Variants in MAGI2 observed in about 807,000 individuals in gnomAD.
The protein encoded by MAGI2 is membrane-associated guanylate kinase, WW and PDZ domain-containing protein 2.
In MAGI2, 35 loss-of-function variants were observed where a neutral mutation model predicts 133.3. That is an observed-to-expected ratio of 0.26 (90% CI 0.20 to 0.35). The LOEUF (loss-of-function observed/expected upper bound fraction) is 0.35, where lower values mean the gene tolerates loss of function less well. Among genes scored for constraint, MAGI2 ranks in the 10% least tolerant of loss-of-function variants. The probability of loss-of-function intolerance (pLI) is 1.00; values close to 1 mark genes in which losing one functional copy is unlikely to be tolerated. For synonymous variants in MAGI2, 729 were observed against 710.6 expected, an observed-to-expected ratio of 1.03 and a Z score of -0.41; for missense variants, 1,636 against 1,863.4, an observed-to-expected ratio of 0.88 and a Z score of 2.25.
chr7:79,041,743 A>C (rs1811688056), intron 1 of MAGI2, among the ~76,000 whole-genome samples: 1 of 152,184 alleles, frequency 6.6e-6, no homozygotes, highest in East Asian at 1.9e-4. Context: ...TTCTAAGATG[A>C]CTTAATAGGG....
At chr7:78,535,749 T>C (rs1369733719) in intron 3 of MAGI2, among the ~76,000 whole-genome samples, 3 of 152,150 alleles carry the variant, frequency 2.0e-5, no homozygotes, top group Non-Finnish European at 4.4e-5. Flanking sequence ...TTAACAATTA[T>C]GGTTAAAGAG....
At chr7:78,810,082 T>A (rs1306818911) in intron 2 of MAGI2, among the ~76,000 whole-genome samples, 1 of 152,166 alleles carries the variant, frequency 6.6e-6, no homozygotes, top group Non-Finnish European at 1.5e-5. Flanking sequence ...GTAAGAAACA[T>A]CTTTAGGTCA....
At chr7:78,471,003 C>T (rs1388887218) in intron 6 of MAGI2, among the ~76,000 whole-genome samples, 1 of 152,140 alleles carries the variant, frequency 6.6e-6, no homozygotes, top group African/African-American at 2.4e-5. Flanking sequence ...CACAAGTCCA[C>T]ACATATCTTG....
chr7:79,041,963 G>A (rs1386354854), intron 1 of MAGI2, among the ~76,000 whole-genome samples: 1 of 151,840 alleles, frequency 6.6e-6, no homozygotes, highest in Non-Finnish European at 1.5e-5. Flanking sequence ...TCTTTGACAA[G>A]AAACAACTAA....
At chr7:78,453,473 C>T (rs1788947616) in intron 6 of MAGI2, among the ~76,000 whole-genome samples, 1 of 152,204 alleles carries the variant, frequency 6.6e-6, no homozygotes, top group African/African-American at 2.4e-5. Flanking sequence ...CAATAATGTC[C>T]TTGGGTAGTT....
chr7:78,336,549 C>A (rs143458758), intron 9 of MAGI2, among the ~76,000 whole-genome samples: 2,110 of 152,192 alleles, frequency 0.014, 31 homozygotes, highest in Non-Finnish European at 0.021. Flanking sequence ...AAAGTGATAC[C>A]TTGTCTCTAT....
At chr7:79,369,059 T>A (rs1842904830) in intron 1 of MAGI2, among the ~76,000 whole-genome samples, 1 of 151,946 alleles carries the variant, frequency 6.6e-6, no homozygotes, top group Non-Finnish European at 1.5e-5. Flanking sequence ...AATGCCAAAC[T>A]TTAGCCAGGT....
chr7:78,295,672 AC>A (rs1322343393), intron 9 of MAGI2, among the ~76,000 whole-genome samples: 4 of 152,044 alleles, frequency 2.6e-5, no homozygotes, highest in Non-Finnish European at 2.9e-5. Context: ...CTTTGTTCAT[AC>A]TTTTAGTCCA....
rs190974569 is a variant in MAGI2, at chr7:78,987,413, T to C, written c.418+19677A>G. Among the ~76,000 whole-genome samples, 54 of 152,208 alleles carry C rather than the reference T, an allele frequency of 3.5e-4. 1 individual carries two copies. Among genetic ancestry groups the C allele is most frequent in the African/African-American group, 1.2e-3 (51 of 41,576 alleles). The stretch of plus-strand genomic sequence containing the variant: ...ATTATTTTCCGTACATGTTGATAAC[T>C]AATGCTTTCTAGTCCTTGTATGGAG... On this transcript the variant is annotated intron_variant, in intron 2 of 21. Coordinates refer to ENST00000354212, the MANE Select transcript of MAGI2 (RefSeq NM_012301.4).
intron 1 of MAGI2, among the ~76,000 whole-genome samples, chr7:79,022,646 CAAAAA>C (rs61289194): frequency 8.4e-6 from 1 of 118,630 alleles, no homozygotes; most frequent in Non-Finnish European, 1.7e-5. Context: ...AGACAAGATC[CAAAAA>C]AAAAAAAAAA....
intron 2 of MAGI2, among the ~76,000 whole-genome samples, chr7:78,789,618 A>C (rs1827108046): frequency 6.6e-6 from 1 of 152,216 alleles, no homozygotes; most frequent in South Asian, 2.1e-4. Flanking sequence ...ATTTTGATAA[A>C]GCATACAATG....
chr7:78,293,340 A>T (rs1435115859), intron 9 of MAGI2, among the ~76,000 whole-genome samples: 3 of 152,222 alleles, frequency 2.0e-5, no homozygotes, highest in Non-Finnish European at 2.9e-5. Flanking sequence ...AAAAATGCTC[A>T]TCATCACTGG....
intron 2 of MAGI2, among the ~76,000 whole-genome samples, chr7:78,776,625 G>T (rs146601113): frequency 4.1e-4 from 62 of 152,176 alleles, no homozygotes; most frequent in African/African-American, 1.5e-3. Context: ...TAATTCTACT[G>T]GCAAACAAAA....
chr7:78,835,758 G>A (rs1312934053), intron 2 of MAGI2, among the ~76,000 whole-genome samples: 2 of 152,166 alleles, frequency 1.3e-5, no homozygotes, highest in Non-Finnish European at 1.5e-5. Context: ...AAAAAGTGAA[G>A]CCATCTTCTT....
intron 2 of MAGI2, among the ~76,000 whole-genome samples, chr7:78,883,710 C>T (rs892451869): frequency 2.6e-5 from 4 of 152,124 alleles, no homozygotes; most frequent in African/African-American, 9.6e-5. Flanking sequence ...CACACAACTA[C>T]AGCAATCTGA....
At chr7:78,368,117 T>A (rs2068892) in intron 7 of MAGI2, among the ~76,000 whole-genome samples, 87,296 of 151,922 alleles carry the variant, frequency 0.57, 25,577 homozygotes, top group Middle Eastern at 0.66. Flanking sequence ...GATGGGTGAA[T>A]GTAGTTAAGA....
chr7:78,877,263 A>C (rs1795502269), intron 2 of MAGI2, among the ~76,000 whole-genome samples: 1 of 152,242 alleles, frequency 6.6e-6, no homozygotes, highest in Non-Finnish European at 1.5e-5. Context: ...ATGTATTCTA[A>C]TAAAATACTG....
intron 6 of MAGI2, among the ~76,000 whole-genome samples, chr7:78,398,785 C>T (rs975058419): frequency 1.3e-5 from 2 of 152,008 alleles, no homozygotes; most frequent in Non-Finnish European, 2.9e-5. Flanking sequence ...CTCCCACCTC[C>T]TCCAGTAGTT....
intron 2 of MAGI2, among the ~76,000 whole-genome samples, chr7:78,947,230 G>A (rs1801493332): frequency 6.6e-6 from 1 of 151,964 alleles, no homozygotes; most frequent in Non-Finnish European, 1.5e-5. Flanking sequence ...AGGTACCATG[G>A]GTAAAAACTC....
Sources: gnomAD v4.1 joint callset for allele counts (sites outside exome capture counted in the v4.1 genomes callset) on GRCh38, gnomAD v4.1.1 for gene constraint, MANE v1.5 for transcripts, NCBI Gene and HGNC (gene_info 2026-07-23, HGNC 2026-07-21) for gene names.